Variants in SOX5 observed in about 807,000 individuals in gnomAD.
SOX5 encodes the protein transcription factor SOX-5.
Under a neutral mutation model 92.0 loss-of-function variants are expected in SOX5, and 9 were observed. The observed-to-expected ratio is 0.10, with a 90% confidence interval of 0.06 to 0.17. The LOEUF is 0.17. Ranked by LOEUF, SOX5 falls within the 10% of genes least tolerant of loss-of-function variation. SOX5 has a pLI of 1.00. For synonymous variants in SOX5, 344 were observed against 336.3 expected, an observed-to-expected ratio of 1.02 and a Z score of -0.25; for missense variants, 642 against 944.5, an observed-to-expected ratio of 0.68 and a Z score of 4.20.
intron 4 of SOX5, among the ~76,000 whole-genome samples, chr12:24,085,430 G>A (rs538967044): frequency 6.6e-6 from 1 of 152,190 alleles, no homozygotes; most frequent in African/African-American, 2.4e-5. Context: ...TAGCTAGTCA[G>A]GGGAAACATC....
chr12:24,004,201 A>T (rs986399297), intron 4 of SOX5, among the ~76,000 whole-genome samples: 6 of 151,958 alleles, frequency 3.9e-5, no homozygotes, highest in African/African-American at 1.4e-4. Flanking sequence ...AAATGTTTAG[A>T]AGAAAACAGA....
At chr12:24,248,991 C>T (rs369143134) in intron 3 of SOX5, among the ~76,000 whole-genome samples, 12 of 152,188 alleles carry the variant, frequency 7.9e-5, no homozygotes, top group Admixed American at 1.3e-4. Flanking sequence ...ATTAAAAGCA[C>T]GTCCTTTAGT....
At chr12:23,865,404 G>T (rs34412076) in intron 2 of SOX5, among the ~76,000 whole-genome samples, 1 of 152,078 alleles carries the variant, frequency 6.6e-6, no homozygotes, top group Non-Finnish European at 1.5e-5. Flanking sequence ...GGCCAAGCAC[G>T]GTGGCCCATG....
intron 3 of SOX5, among the ~76,000 whole-genome samples, chr12:24,273,054 A>G (rs1595035636): frequency 6.6e-6 from 1 of 152,158 alleles, no homozygotes; most frequent in Non-Finnish European, 1.5e-5. Flanking sequence ...CCAACATAGT[A>G]AAACCCCGTC....
intron 1 of SOX5, among the ~76,000 whole-genome samples, chr12:24,513,907 T>C (rs1471707482): frequency 6.6e-6 from 1 of 152,220 alleles, no homozygotes; most frequent in African/African-American, 2.4e-5. Flanking sequence ...TTTTACAAGG[T>C]AATCCTTTCC....
At chr12:24,417,546 G>A (rs1390183277) in intron 1 of SOX5, among the ~76,000 whole-genome samples, 1 of 152,174 alleles carries the variant, frequency 6.6e-6, no homozygotes, top group Non-Finnish European at 1.5e-5. Context: ...ACAATGTTAA[G>A]AACAGCTCAA....
Position 23,640,848 on chromosome 12 carries a change from G to A in SOX5, c.981C>T (p.Ala327=), listed in dbSNP as rs142710312. The change falls in exon 8 of 15, where the codon GCC becomes GCT. Residue 327 remains alanine (A), a synonymous_variant. Transcript: ENST00000451604. ...GTGGGCCTAAGCCTGGTGTTGCTGC[G>A]GCAGCAGCTGCCATGGTAGTTGGGA... ...QLIPTTMAAA[A]AATPGLGPLQ... is the part of the protein sequence containing the mutation. The A allele has an allele frequency of 7.6e-5, 123 of 1,613,588 alleles. No individual in the cohort carries two copies. The highest frequency in any genetic ancestry group is 3.0e-4 in the Admixed American group (18 of 59,988).
chr12:24,103,560 T>G (rs1194917277), intron 4 of SOX5, among the ~76,000 whole-genome samples: 46 of 152,218 alleles, frequency 3.0e-4, no homozygotes, highest in Non-Finnish European at 2.9e-5. Flanking sequence ...CTTGCTATGT[T>G]GCCCAGGCTT....
intron 2 of SOX5, among the ~76,000 whole-genome samples, chr12:23,887,857 A>G (rs1344831156): frequency 6.6e-6 from 1 of 151,672 alleles, no homozygotes; most frequent in Non-Finnish European, 1.5e-5. Flanking sequence ...GGCAAAAACA[A>G]AACTATATTC....
At chr12:23,814,726 C>T (rs1435205016) in intron 3 of SOX5, among the ~76,000 whole-genome samples, 1 of 152,164 alleles carries the variant, frequency 6.6e-6, no homozygotes, top group Non-Finnish European at 1.5e-5. Flanking sequence ...GAGCAATTCA[C>T]AAAGCACGTT....
chr12:24,088,590 T>C (rs1944285468), intron 4 of SOX5, among the ~76,000 whole-genome samples: 2 of 151,990 alleles, frequency 1.3e-5, no homozygotes, highest in African/African-American at 2.4e-5. Flanking sequence ...TTAATGAAGA[T>C]GTGACTTACT....
chr12:24,451,374 A>G lies in SOX5; in HGVS notation c.-250-82735T>C, dbSNP rs541379892. Among the ~76,000 whole-genome samples the G allele has an allele frequency of 1.8e-4, 28 of 152,296 alleles. No homozygotes were observed. In the South Asian group the frequency reaches 5.8e-3, roughly 32 times the overall value. ...GTGTAGTTTTTTGAGAAACCTCCAA[A>G]CAGTTCTCCATAGTGGTTGCTCTAA... On this transcript the variant is annotated intron_variant, in intron 1 of 4. Transcript: ENST00000446891.
chr12:24,108,170 C>T (rs779345476), intron 4 of SOX5, among the ~76,000 whole-genome samples: 2 of 152,228 alleles, frequency 1.3e-5, no homozygotes, highest in East Asian at 1.9e-4. Context: ...TGCCTTTCAC[C>T]GTTTCAGTGA....
chr12:24,461,698 T>A (rs1943652267), intron 1 of SOX5, among the ~76,000 whole-genome samples: 1 of 152,194 alleles, frequency 6.6e-6, no homozygotes, highest in African/African-American at 2.4e-5. Context: ...TAATAAAACC[T>A]AACCTTCATT....
intron 1 of SOX5, among the ~76,000 whole-genome samples, chr12:24,495,480 G>C (rs946594147): frequency 2.6e-5 from 4 of 152,136 alleles, no homozygotes; most frequent in Non-Finnish European, 4.4e-5. Context: ...TGATCCTTAG[G>C]AACTCAATTT....
chr12:23,611,589 ACTGGGAT>A (rs1391264471), intron 8 of SOX5, among the ~76,000 whole-genome samples: 1 of 151,958 alleles, frequency 6.6e-6, no homozygotes, highest in Non-Finnish European at 1.5e-5. Flanking sequence ...TTTTATTTTA[ACTGGGAT>A]CTTGCTACAG....
chr12:23,851,272 T>G (rs913423853), intron 2 of SOX5, among the ~76,000 whole-genome samples: 19 of 152,172 alleles, frequency 1.2e-4, no homozygotes, highest in Admixed American at 7.9e-4. Context: ...AGCAATCATC[T>G]TGTGATAATA....
chr12:24,204,900 T>A (rs1957872718), intron 4 of SOX5, among the ~76,000 whole-genome samples: 1 of 152,106 alleles, frequency 6.6e-6, no homozygotes, highest in African/African-American at 2.4e-5. Flanking sequence ...AGATATCATC[T>A]AACCATGGTG....
intron 1 of SOX5, among the ~76,000 whole-genome samples, chr12:24,498,597 A>G (rs1165511852): frequency 6.6e-6 from 1 of 152,224 alleles, no homozygotes; most frequent in Non-Finnish European, 1.5e-5. Flanking sequence ...TGACAAATAT[A>G]TACTGACTGC....
Sources: gnomAD v4.1 joint callset for allele counts (sites outside exome capture counted in the v4.1 genomes callset) on GRCh38, gnomAD v4.1.1 for gene constraint, MANE v1.5 for transcripts, NCBI Gene and HGNC (gene_info 2026-07-23, HGNC 2026-07-21) for gene names.